Variants in NEO1 observed in about 807,000 individuals in gnomAD.
NEO1 encodes the protein neogenin 1.
A neutral mutation model predicts 159.7 loss-of-function variants in NEO1; 63 were observed. The ratio of observed to expected loss-of-function variants is 0.39; its 90% CI spans 0.32 to 0.49. The LOEUF is 0.49. NEO1 is among the 20% of genes least tolerant of loss of function. NEO1 has a pLI of 0.85. For missense variants in NEO1, 1,615 were observed against 1,831.0 expected (o/e 0.88, Z 2.15); for synonymous variants, 633 against 662.0 (o/e 0.96, Z 0.67).
At chr15:73,116,938 T>C in intron 2 of NEO1, 81 bp downstream of exon 2, 1 of 1,183,706 alleles carries the variant, frequency 8.4e-7, no homozygotes, top group East Asian at 2.4e-5. Flanking sequence ...TCTCTTGGAG[T>C]TTTCTTTTAA....
Position 73,303,043 on chromosome 15 carries a change from T to TACACAA in NEO1, c.*348_*349insCACAAA. On this transcript the variant is annotated 3_prime_UTR_variant, in exon 29 of 29. Transcript: ENST00000261908. Reference sequence around the variant, plus strand: ...CTTTGTGCTGTGACTGCATCACCTTTATGGAGTGTAGACATTGGCATTTAT... The same window carrying TACACAA: ...CTTTGTGCTGTGACTGCATCACCTTTACACAAATGGAGTGTAGACATTGGCATTTAT... The TACACAA allele has an allele frequency of 4.4e-6, 1 of 225,498 alleles. No homozygotes were observed. The highest frequency in any genetic ancestry group is 9.0e-6 in the Non-Finnish European group (1 of 110,906). 14.0% of individuals were successfully genotyped at this position (225,498 alleles called of 1,614,324 possible).
At chr15:73,302,565 G>T in intron 28 of NEO1, 48 bp from the exon 29 acceptor site, 1 of 1,567,074 alleles carries the variant, frequency 6.4e-7, no homozygotes, top group South Asian at 1.1e-5. Flanking sequence ...TCTCCTTTCT[G>T]AGCTGCTCCC....
intron 7 of NEO1, among the ~76,000 whole-genome samples, chr15:73,221,370 G>T (rs187296054): frequency 0.013 from 1,947 of 152,314 alleles, 31 homozygotes; most frequent in African/African-American, 0.044. Flanking sequence ...CTGCTCAGGG[G>T]TCAGGGGTCA....
At chr15:73,279,344 G>T (rs1470629245) in intron 22 of NEO1, among the ~76,000 whole-genome samples, 9 of 91,626 alleles carry the variant, frequency 9.8e-5, no homozygotes, top group South Asian at 3.7e-4. Flanking sequence ...TTGTTGTTTT[G>T]GTTTTGGTTT....
At chr15:73,243,682 A>G (rs1381218859) in intron 8 of NEO1, among the ~76,000 whole-genome samples, 1 of 152,192 alleles carries the variant, frequency 6.6e-6, no homozygotes, top group Non-Finnish European at 1.5e-5. Context: ...TCATGATATT[A>G]AATACTAGAC....
intron 7 of NEO1, among the ~76,000 whole-genome samples, chr15:73,190,078 A>G (rs535613193): frequency 2.4e-4 from 37 of 152,036 alleles, no homozygotes; most frequent in Admixed American, 5.9e-4. Context: ...TTTTATAATT[A>G]TCTATTAAAT....
In NEO1 at chr15:73,117,968, T is replaced by G. The variant is rs528134364; in HGVS notation, c.448+1111T>G. Among the ~76,000 whole-genome samples the G allele has an allele frequency of 3.6e-4, 55 of 152,010 alleles. No individual in the cohort carries two copies. The South Asian group carries it at 0.011, about 31-fold the overall frequency. On this transcript the variant is annotated intron_variant, in intron 2 of 28. Transcript: ENST00000261908. ...TTCTTCTCTCTCCCTTAAAAAATAATCTATTTGCCAGGCTTTCTCCAACAT... is the reference window on the plus strand; with the variant it reads ...TTCTTCTCTCTCCCTTAAAAAATAAGCTATTTGCCAGGCTTTCTCCAACAT...
chr15:73,065,149 A>T (rs1399813808), intron 1 of NEO1, among the ~76,000 whole-genome samples: 1 of 152,044 alleles, frequency 6.6e-6, no homozygotes, highest in East Asian at 1.9e-4. Context: ...TTTTAATGTT[A>T]TTATGTTATT....
rs75575219 is a variant in NEO1 at position 73,169,533 on chromosome 15, A to G, written c.1016-6870A>G. Among the ~76,000 whole-genome samples the G allele has an allele frequency of 8.6e-3, 1,303 of 152,144 alleles. 22 individuals are homozygous for G. Among genetic ancestry groups the G allele is most frequent in the African/African-American group, 0.03 (1,232 of 41,522 alleles). ...TTTTAAGGGCATTATTTTATAATTCATGAAAGGGAAACTAATGATTAATTG... is the reference window on the plus strand; with the variant it reads ...TTTTAAGGGCATTATTTTATAATTCGTGAAAGGGAAACTAATGATTAATTG... On this transcript the variant is annotated intron_variant, in intron 5 of 28. Coordinates refer to ENST00000261908, the MANE Select transcript of NEO1 (RefSeq NM_002499.4).
intron 5 of NEO1, among the ~76,000 whole-genome samples, chr15:73,160,669 A>G (rs1242416111): frequency 2.0e-5 from 3 of 152,180 alleles, no homozygotes; most frequent in African/African-American, 7.2e-5. Context: ...ACCGTTTATT[A>G]TAAAGGATAT....
chr15:73,199,439 G>T (rs1419094950), intron 7 of NEO1, among the ~76,000 whole-genome samples: 2 of 152,002 alleles, frequency 1.3e-5, no homozygotes, highest in Non-Finnish European at 2.9e-5. Context: ...TTTAAGGATT[G>T]GAGAGTTATG....
rs540683815 is a variant in NEO1 at position 73,215,633 on chromosome 15, C to A, written c.1292-20714C>A. Among the ~76,000 whole-genome samples the A allele has an allele frequency of 3.3e-5, 5 of 152,306 alleles. No individual in the cohort carries two copies. In the East Asian group the frequency reaches 7.7e-4, roughly 24 times the overall value. The stretch of plus-strand genomic sequence containing the variant: ...ATCTCTGCATCCCTAGTATGAAACA[C>A]ACTTGATCATGGTGGATTATCTTTT... On this transcript the variant is annotated intron_variant, in intron 7 of 28. Coordinates refer to ENST00000261908, the MANE Select transcript of NEO1 (RefSeq NM_002499.4).
At chr15:73,101,195 CAT>C (rs1274296134) in intron 1 of NEO1, among the ~76,000 whole-genome samples, 1 of 152,160 alleles carries the variant, frequency 6.6e-6, no homozygotes, top group Admixed American at 6.5e-5. Flanking sequence ...TGTAATTTCT[CAT>C]GTGATTTCTT....
At chr15:73,067,084 A>G (rs1450150408) in intron 1 of NEO1, among the ~76,000 whole-genome samples, 2 of 152,098 alleles carry the variant, frequency 1.3e-5, no homozygotes, top group African/African-American at 2.4e-5. Flanking sequence ...TATTTGTGGA[A>G]GTTTGTCTGG....
At position 73,131,012 on chromosome 15, in the gene NEO1, G is replaced by C. The variant is rs150872233; in HGVS notation, c.878+4442G>C. On this transcript the variant is annotated intron_variant, in intron 4 of 28. Transcript: ENST00000261908. Reference sequence around the variant, plus strand: ...CCACTTACATGTTAATGGAGGCTGAGTGGGAAACCTGAACTACCCCCACCT... The same window carrying C: ...CCACTTACATGTTAATGGAGGCTGACTGGGAAACCTGAACTACCCCCACCT... Among the ~76,000 whole-genome samples the C allele has an allele frequency of 2.4e-3, 360 of 152,302 alleles. 2 individuals carry two copies. Among genetic ancestry groups the C allele is most frequent in the African/African-American group, 8.3e-3 (344 of 41,560 alleles).
At chr15:73,114,976 T>G (rs552483597) in intron 1 of NEO1, among the ~76,000 whole-genome samples, 12 of 152,232 alleles carry the variant, frequency 7.9e-5, no homozygotes, top group Non-Finnish European at 1.6e-4. Context: ...TAAAAATTTC[T>G]AAGCTTATTT....
intron 4 of NEO1, among the ~76,000 whole-genome samples, chr15:73,130,077 C>T (rs1021591059): frequency 6.6e-6 from 1 of 152,136 alleles, no homozygotes; most frequent in African/African-American, 2.4e-5. Flanking sequence ...TTCACTGCAG[C>T]CTCCGCCTCC....
At chr15:73,264,073 G>A (rs1213989791) in intron 15 of NEO1, among the ~76,000 whole-genome samples, 1 of 152,074 alleles carries the variant, frequency 6.6e-6, no homozygotes, top group Non-Finnish European at 1.5e-5. Flanking sequence ...TCTAGTCCCA[G>A]CTACTCGGGA....
At chr15:73,081,661 G>A (rs889036739) in intron 1 of NEO1, among the ~76,000 whole-genome samples, 8 of 150,858 alleles carry the variant, frequency 5.3e-5, no homozygotes, top group African/African-American at 2.0e-4. Flanking sequence ...CTGTAGCCTC[G>A]ACCTCCTGGA....
Sources: allele counts gnomAD v4.1 joint callset (sites outside exome capture counted in the v4.1 genomes callset), GRCh38; gene constraint gnomAD v4.1.1; transcripts MANE v1.5; gene names NCBI Gene and HGNC (gene_info 2026-07-23, HGNC 2026-07-21).